TBCK: variants seen among roughly 807,000 people sequenced by gnomAD.
The protein encoded by TBCK is TBC domain-containing protein kinase-like protein.
Under a neutral mutation model 113.4 loss-of-function variants are expected in TBCK, and 99 were observed. That is an observed-to-expected ratio of 0.87 (90% CI 0.74 to 1.03). The LOEUF (loss-of-function observed/expected upper bound fraction) is 1.03. TBCK is among the 50% of genes least tolerant of loss of function. TBCK has a pLI of 0.00. For missense variants in TBCK, 1,045 were observed against 1,061.3 expected (o/e 0.98, Z 0.21); for synonymous variants, 369 against 370.8 (o/e 1.00, Z 0.05).
At chr4:106,286,869 C>T (rs571861274) in intron 3 of TBCK, among the ~76,000 whole-genome samples, 11 of 123,224 alleles carry the variant, frequency 8.9e-5, no homozygotes, top group Admixed American at 3.4e-4. Context: ...GGTGACAAAG[C>T]GAGAACCTGT....
At chr4:106,159,801 A>C (rs932372995) in intron 23 of TBCK, among the ~76,000 whole-genome samples, 4 of 152,040 alleles carry the variant, frequency 2.6e-5, no homozygotes, top group African/African-American at 9.6e-5. Context: ...ATGGAATCTC[A>C]AGAGACCTAA....
chr4:106,121,074 G>T (rs12500331), intron 23 of TBCK, among the ~76,000 whole-genome samples: 35,043 of 151,874 alleles, frequency 0.23, 4,109 homozygotes, highest in South Asian at 0.27. Flanking sequence ...TTGAAAAAAA[G>T]TTAGAAGAAT....
intron 25 of TBCK, among the ~76,000 whole-genome samples, chr4:106,070,917 T>C (rs932398750): frequency 6.6e-6 from 1 of 152,214 alleles, no homozygotes; most frequent in Admixed American, 6.5e-5. Context: ...CTAGATTTTC[T>C]AGTTTATTTG....
intron 2 of TBCK, among the ~76,000 whole-genome samples, chr4:106,303,088 T>A (rs1767119059): frequency 6.6e-6 from 1 of 152,136 alleles, no homozygotes; most frequent in South Asian, 2.1e-4. Flanking sequence ...AATTAGAGAA[T>A]CAGATTTCAG....
chr4:106,197,963 C>G (rs1425336914), intron 20 of TBCK, among the ~76,000 whole-genome samples: 1 of 152,138 alleles, frequency 6.6e-6, no homozygotes, highest in Non-Finnish European at 1.5e-5. Context: ...TCAGGTTCTA[C>G]CTGGTCCAAT....
At chr4:106,121,335 A>G (rs1285710761) in intron 23 of TBCK, among the ~76,000 whole-genome samples, 3 of 149,396 alleles carry the variant, frequency 2.0e-5, no homozygotes, top group Admixed American at 2.0e-4. Flanking sequence ...TATCCTAAAT[A>G]TATATGCACC....
chr4:106,146,775 G>A (rs1747854843), intron 23 of TBCK, among the ~76,000 whole-genome samples: 1 of 152,142 alleles, frequency 6.6e-6, no homozygotes, highest in Non-Finnish European at 1.5e-5. Flanking sequence ...AGACAACAGT[G>A]AAGTTTGCTG....
Position 106,295,152 on chromosome 4 carries a change from C to G in TBCK, c.208G>C (p.Val70Leu), listed in dbSNP as rs200673063. Residue 70 changes from valine (V) to leucine (L), a missense_variant, in exon 3 of 26, where the codon GTG becomes CTG. Physicochemically the swap from Val to Leu is conservative, Grantham distance 32. Coordinates refer to ENST00000394708, the MANE Select transcript of TBCK (RefSeq NM_001163435.3). Reference sequence around the variant, plus strand: ...AGACTACGTTCACAATGTTCAGCCACGACCACTAGTCGTTCTGAGAAAAAC... The same window carrying G: ...AGACTACGTTCACAATGTTCAGCCAGGACCACTAGTCGTTCTGAGAAAAAC... Reference protein sequence around the residue: ...SRGKHERLVVVAEHCERSLED... With the variant: ...SRGKHERLVVLAEHCERSLED... The G allele has an allele frequency of 5.0e-6, 8 of 1,612,486 alleles. No homozygotes were observed. The Admixed American group carries it at 1.3e-4, about 27-fold the overall frequency.
At chr4:106,127,499 T>C (rs909836430) in intron 23 of TBCK, among the ~76,000 whole-genome samples, 1 of 152,098 alleles carries the variant, frequency 6.6e-6, no homozygotes, top group Non-Finnish European at 1.5e-5. Flanking sequence ...AGAACATATA[T>C]AAGCATACAG....
At chr4:106,187,604 T>C (rs909558557) in intron 22 of TBCK, among the ~76,000 whole-genome samples, 17 of 151,912 alleles carry the variant, frequency 1.1e-4, no homozygotes, top group African/African-American at 4.1e-4. Flanking sequence ...TTAGTAGAGA[T>C]GGGGTTTCAA....
chr4:106,202,643 T>C (rs987538034), intron 20 of TBCK, among the ~76,000 whole-genome samples: 2 of 152,060 alleles, frequency 1.3e-5, no homozygotes, highest in African/African-American at 4.8e-5. Context: ...TGCAAAAAGA[T>C]AGCAACAGTT....
At position 106,316,104 on chromosome 4, in the gene TBCK, T is replaced by C. The variant is rs1313324870; in HGVS notation, c.-203A>G. On this transcript the variant is annotated 5_prime_UTR_variant, in exon 1 of 26. Transcript: ENST00000394708. ...CCTGGAACGCCGGGAGCTCAGACGC[T>C]GCCCTTTGCTCGCGAGCCAAGTCAG... 2 of 156,056 alleles carry C rather than the reference T, an allele frequency of 1.3e-5. No individual in the cohort carries two copies. The highest frequency in any genetic ancestry group is 4.8e-5 in the African/African-American group (2 of 41,584). The allele number at this position is 156,056 out of a possible 1,614,324, so 9.7% of individuals were successfully genotyped here.
chr4:106,154,882 T>G (rs1022769297), intron 23 of TBCK, among the ~76,000 whole-genome samples: 8 of 152,172 alleles, frequency 5.3e-5, no homozygotes, highest in Non-Finnish European at 1.2e-4. Context: ...CTAGTTAGTA[T>G]AAGAGTAGTT....
At chr4:106,303,765 A>G (rs916671789) in intron 2 of TBCK, among the ~76,000 whole-genome samples, 3 of 152,114 alleles carry the variant, frequency 2.0e-5, no homozygotes, top group Non-Finnish European at 4.4e-5. Context: ...CAACTACCTG[A>G]CACTACCCCT....
Position 106,065,224 on chromosome 4 carries a change from T to C in TBCK, c.2572-18544A>G, listed in dbSNP as rs138400856. Among the ~76,000 whole-genome samples, 38 of 152,168 alleles carry C rather than the reference T, an allele frequency of 2.5e-4. No individual in the cohort carries two copies. In the East Asian group the frequency reaches 6.4e-3, roughly 26 times the overall value. On this transcript the variant is annotated intron_variant, in intron 25 of 25. Transcript: ENST00000394708. ...CTCTCCCTATTGATCTGAATAGTTA[T>C]TGCTTCAATTCCCAGATTTATATAC...
chr4:106,277,746 G>A (rs1560954863), intron 3 of TBCK, among the ~76,000 whole-genome samples: 1 of 152,180 alleles, frequency 6.6e-6, no homozygotes, highest in Non-Finnish European at 1.5e-5. Flanking sequence ...CTCAGATAAT[G>A]GTGGTAATCT....
intron 3 of TBCK, among the ~76,000 whole-genome samples, chr4:106,271,384 G>T (rs1359099753): frequency 6.6e-6 from 1 of 152,236 alleles, no homozygotes; most frequent in Non-Finnish European, 1.5e-5. Context: ...TGTGTGTGTT[G>T]TTTTCTTGTG....
At chr4:106,062,010 A>T (rs996869480) in intron 25 of TBCK, among the ~76,000 whole-genome samples, 1 of 151,840 alleles carries the variant, frequency 6.6e-6, no homozygotes, top group Non-Finnish European at 1.5e-5. Flanking sequence ...GGAACACTTT[A>T]CACATAATTT....
intron 12 of TBCK, among the ~76,000 whole-genome samples, chr4:106,242,186 A>C (rs978119177): frequency 2.6e-5 from 4 of 152,142 alleles, no homozygotes; most frequent in African/African-American, 4.8e-5. Context: ...CATTAGATTA[A>C]CAATTTTTTA....
Sources: allele counts gnomAD v4.1 joint callset (sites outside exome capture counted in the v4.1 genomes callset), GRCh38; gene constraint gnomAD v4.1.1; transcripts MANE v1.5; gene names NCBI Gene and HGNC (gene_info 2026-07-23, HGNC 2026-07-21).